TEX9: variants seen among roughly 807,000 people sequenced by gnomAD.
The protein encoded by TEX9 is testis expressed 9.
In TEX9, 74 loss-of-function variants were observed where a neutral mutation model predicts 59.6. The observed-to-expected ratio is 1.24, with a 90% CI of 1.03 to 1.51. The LOEUF (loss-of-function observed/expected upper bound fraction) is 1.51, where lower values mean the gene tolerates loss of function less well. TEX9 is among the 40% of genes most tolerant of loss of function. The probability of loss-of-function intolerance (pLI) is 0.00; values close to 1 mark genes in which losing one functional copy is unlikely to be tolerated. For synonymous variants in TEX9, 186 were observed against 152.2 expected, an observed-to-expected ratio of 1.22 and a Z score of -1.64; for missense variants, 522 against 447.8, an observed-to-expected ratio of 1.17 and a Z score of -1.49.
chr15:56,323,426 G>A (rs2554288), intron 1 of TEX9: 79,643 of 159,876 alleles, frequency 0.5, 21,348 homozygotes, highest in Non-Finnish European at 0.6. Context: ...TCTGAATATC[G>A]CCCAGAAGTC....
At chr15:56,248,086 ATAAG>A (rs1567061220) in intron 1 of TEX9, among the ~76,000 whole-genome samples, 2 of 152,340 alleles carry the variant, frequency 1.3e-5, no homozygotes, top group South Asian at 4.1e-4. Context: ...TTATATATAT[ATAAG>A]TTTCAATGCT....
At chr15:56,259,944 C>A in intron 1 of TEX9, among the ~76,000 whole-genome samples, 1 of 152,126 alleles carries the variant, frequency 6.6e-6, no homozygotes, top group Middle Eastern at 3.4e-3. Context: ...TTGCCGTTTT[C>A]ACTTTAGTGA....
intron 12 of TEX9, chr15:56,433,998 T>C: frequency 1.1e-6 from 1 of 901,196 alleles, no homozygotes; most frequent in Non-Finnish European, 1.6e-6. Flanking sequence ...GCAAAAATGG[T>C]CAGAAAATTT....
intron 1 of TEX9, among the ~76,000 whole-genome samples, chr15:56,345,933 A>T (rs1295785749): frequency 6.6e-6 from 1 of 152,202 alleles, no homozygotes; most frequent in Non-Finnish European, 1.5e-5. Context: ...GATTCATAAT[A>T]TGAAAGCGTT....
chr15:56,339,383 C>CATAAAAA (rs2046321793), intron 1 of TEX9, among the ~76,000 whole-genome samples: 1 of 30,770 alleles, frequency 3.2e-5, no homozygotes, highest in Non-Finnish European at 5.9e-5. Context: ...ACTCCTTCTC[C>CATAAAAA]AAAAAAAAAA....
At chr15:56,268,074 C>T (rs56006484) in intron 1 of TEX9, among the ~76,000 whole-genome samples, 3,589 of 152,204 alleles carry the variant, frequency 0.024, 79 homozygotes, top group South Asian at 0.074. Flanking sequence ...GTATTTTATT[C>T]TCTTTGTAGC....
intron 12 of TEX9, chr15:56,444,404 G>C: frequency 6.6e-7 from 1 of 1,521,862 alleles, no homozygotes; most frequent in Non-Finnish European, 8.9e-7. Flanking sequence ...TATATCTAAA[G>C]TAAACATTTA....
At chr15:56,387,892 A>G (rs201641629) in intron 4 of TEX9, among the ~76,000 whole-genome samples, 34 of 151,992 alleles carry the variant, frequency 2.2e-4, no homozygotes, top group Non-Finnish European at 3.5e-4. Context: ...TGAAACTACA[A>G]ATATATTTTG....
At chr15:56,278,563 G>A (rs1227248613) in intron 1 of TEX9, among the ~76,000 whole-genome samples, 1 of 152,154 alleles carries the variant, frequency 6.6e-6, no homozygotes, top group East Asian at 1.9e-4. Context: ...TTTAGCCTCT[G>A]CTTTCTAGAA....
At chr15:56,443,390 C>T (rs372654124) in intron 12 of TEX9, 45 of 1,403,580 alleles carry the variant, frequency 3.2e-5, no homozygotes, top group Non-Finnish European at 4.1e-5. Context: ...AAATTATATT[C>T]TTCTCTACAT....
chr15:56,279,478 G>C (rs1178899417), intron 1 of TEX9, among the ~76,000 whole-genome samples: 2 of 152,172 alleles, frequency 1.3e-5, no homozygotes, highest in African/African-American at 4.8e-5. Context: ...AAGGTATATA[G>C]TTATCTAGTC....
intron 1 of TEX9, among the ~76,000 whole-genome samples, chr15:56,271,034 G>T (rs2044516492): frequency 6.6e-6 from 1 of 152,164 alleles, no homozygotes; most frequent in Admixed American, 6.5e-5. Context: ...CCCTTTGTGG[G>T]TAACATGACC....
chr15:56,449,654 T>G (rs1468402411), downstream of TEX9, among the ~76,000 whole-genome samples: 3 of 152,142 alleles, frequency 2.0e-5, no homozygotes, highest in African/African-American at 7.2e-5. Flanking sequence ...GGTGTTACTT[T>G]GTCCTGAATG....
chr15:56,426,600 TATATATATATATATATATATATATATAC>T (rs2050272667), intron 10 of TEX9, among the ~76,000 whole-genome samples: 2 of 24,054 alleles, frequency 8.3e-5, no homozygotes, highest in Admixed American at 7.5e-4. Flanking sequence ...TATATATATA[TATATATATATATATATATATATATATAC>T]ACACACACAA....
At chr15:56,419,271 C>G (rs2049853787) in intron 10 of TEX9, among the ~76,000 whole-genome samples, 1 of 151,830 alleles carries the variant, frequency 6.6e-6, no homozygotes, top group Non-Finnish European at 1.5e-5. Context: ...CTCACTTATT[C>G]TAGAAGCCTT....
intron 1 of TEX9, among the ~76,000 whole-genome samples, chr15:56,260,140 A>G (rs1437058794): frequency 6.6e-6 from 1 of 152,018 alleles, no homozygotes; most frequent in Non-Finnish European, 1.5e-5. Context: ...AATTGTGTAT[A>G]TATTATTTTG....
intron 1 of TEX9, among the ~76,000 whole-genome samples, chr15:56,339,383 C>CAATAAA (rs2046321852): frequency 3.2e-5 from 1 of 30,770 alleles, no homozygotes; most frequent in African/African-American, 1.2e-4. Flanking sequence ...ACTCCTTCTC[C>CAATAAA]AAAAAAAAAA....
intron 1 of TEX9, among the ~76,000 whole-genome samples, chr15:56,317,095 G>A (rs2713904): frequency 0.97 from 147,033 of 152,240 alleles, 71,196 homozygotes; most frequent in East Asian, 1. Flanking sequence ...ATGGAAATGC[G>A]GAAATCACCC....
At chr15:56,330,747 A>G in intron 1 of TEX9, among the ~76,000 whole-genome samples, 1 of 152,070 alleles carries the variant, frequency 6.6e-6, no homozygotes, top group Non-Finnish European at 1.5e-5. Flanking sequence ...AAGATAAGAA[A>G]GAAGAGAAGG....
Sources: gnomAD v4.1 joint callset for allele counts (sites outside exome capture counted in the v4.1 genomes callset) on GRCh38, gnomAD v4.1.1 for gene constraint, MANE v1.5 for transcripts, NCBI Gene and HGNC (gene_info 2026-07-23, HGNC 2026-07-21) for gene names.